The following FLVCR1 variants were observed in gnomAD, a reference collection of about 807,000 sequenced individuals.
The protein encoded by FLVCR1 is choline/ethanolamine transporter FLVCR1.
A neutral mutation model predicts 53.6 loss-of-function variants in FLVCR1; 34 were observed. The observed-to-expected ratio is 0.63, with a 90% CI of 0.48 to 0.84. The LOEUF (loss-of-function observed/expected upper bound fraction) is 0.84. Ranked by LOEUF, FLVCR1 falls within the 40% of genes least tolerant of loss-of-function variation. The pLI, the probability that FLVCR1 is intolerant of heterozygous loss-of-function variation, is 0.00. For synonymous variants in FLVCR1, 300 were observed against 286.3 expected (o/e 1.05, Z -0.48); for missense variants, 677 against 696.7 (o/e 0.97, Z 0.32).
chr1:212,860,350 G>GTTTTTTTTTTTTTTTGTTTTTTT (rs71147041), intron 1 of FLVCR1, among the ~76,000 whole-genome samples: 1 of 85,824 alleles, frequency 1.2e-5, no homozygotes, highest in Non-Finnish European at 2.4e-5. Context: ...TGTGTGTGTG[G>GTTTTTTTTTTTTTTTGTTTTTTT]TTTTTTTTTT....
At chr1:212,866,998 CA>C (rs1410736541) in intron 2 of FLVCR1, among the ~76,000 whole-genome samples, 1 of 152,176 alleles carries the variant, frequency 6.6e-6, no homozygotes, top group Non-Finnish European at 1.5e-5. Context: ...AAATCCATAC[CA>C]AATAAAGTTC....
At chr1:212,877,945 AG>A (rs1309464016) in intron 3 of FLVCR1, among the ~76,000 whole-genome samples, 1 of 152,220 alleles carries the variant, frequency 6.6e-6, no homozygotes, top group Non-Finnish European at 1.5e-5. Flanking sequence ...TATACGAAAC[AG>A]AAAAAAAGGT....
intron 8 of FLVCR1, among the ~76,000 whole-genome samples, chr1:212,892,270 G>A (rs1223165544): frequency 6.6e-6 from 1 of 152,224 alleles, no homozygotes; most frequent in African/African-American, 2.4e-5. Context: ...ATGCCATCTA[G>A]GACTGCCATA....
At position 212,888,020 on chromosome 1, in the gene FLVCR1, T is replaced by A. The variant is rs2291772; in HGVS notation, c.1307+19T>A. 296,925 of 1,318,474 alleles carry A rather than the reference T, an allele frequency of 0.23. 38,656 individuals are homozygous for A. The highest frequency in any genetic ancestry group is 0.51 in the Admixed American group (30,323 of 59,528). The allele number at this position is 1,318,474 out of a possible 1,614,324, so 81.7% of individuals were successfully genotyped here. A position where few individuals can be genotyped will look rare whatever the true frequency, so the allele number is the denominator to read the frequency against. On this transcript the variant is annotated intron_variant, in intron 6 of 9. Coordinates refer to ENST00000366971, the MANE Select transcript of FLVCR1 (RefSeq NM_014053.4). ...TGCTTGGGTAAGTATCAGATGTGTT[T>A]AGGAGGAATGATAGCATGCTGTTAT...
At chr1:212,875,311 T>G (rs997589491) in intron 3 of FLVCR1, among the ~76,000 whole-genome samples, 2 of 152,180 alleles carry the variant, frequency 1.3e-5, no homozygotes, top group Admixed American at 6.6e-5. Context: ...GTATGGCAAG[T>G]GCATGCTGAA....
At position 212,859,205 on chromosome 1, in the gene FLVCR1, G is replaced by A. The variant is rs1188189201; in HGVS notation, c.738+15G>A. Reference sequence around the variant, plus strand: ...TGGGCAATCAGGTAAGTACTGGAGTGGTAGGTGAAAGTCAGATCCTTAAAA... The same window carrying A: ...TGGGCAATCAGGTAAGTACTGGAGTAGTAGGTGAAAGTCAGATCCTTAAAA... On this transcript the variant is annotated intron_variant, in intron 1 of 9. Transcript: ENST00000366971. 1.2e-6 allele frequency: 2 copies of A among 1,613,832 alleles called. No homozygotes were observed. Among genetic ancestry groups the A allele is most frequent in the South Asian group, 1.1e-5 (1 of 91,058 alleles).
chr1:212,861,644 A>T (rs899003769), intron 1 of FLVCR1, among the ~76,000 whole-genome samples: 1 of 151,852 alleles, frequency 6.6e-6, no homozygotes, highest in African/African-American at 2.4e-5. Context: ...TATTCTTTCT[A>T]TCTAGCTTTT....
At chr1:212,871,851 C>T (rs917109230) in intron 2 of FLVCR1, among the ~76,000 whole-genome samples, 1 of 152,140 alleles carries the variant, frequency 6.6e-6, no homozygotes, top group Non-Finnish European at 1.5e-5. Context: ...AGCGCTAAAA[C>T]TTAGAGTGTC....
intron 3 of FLVCR1, among the ~76,000 whole-genome samples, chr1:212,875,487 G>A (rs1664726821): frequency 6.6e-6 from 1 of 152,106 alleles, no homozygotes; most frequent in Non-Finnish European, 1.5e-5. Flanking sequence ...GGTGTTAGAT[G>A]GTGCCTTCAG....
intron 3 of FLVCR1, among the ~76,000 whole-genome samples, chr1:212,879,220 A>G (rs1203207523): frequency 2.0e-5 from 3 of 152,202 alleles, no homozygotes; most frequent in Non-Finnish European, 4.4e-5. Context: ...AAGGAATTAT[A>G]AGGAGGAAGG....
Position 212,858,315 on chromosome 1 carries a change from G to C in FLVCR1, c.-138G>C, listed in dbSNP as rs913383179. ...CACGCGGTAGCGCGGATTGCGGTTC[G>C]CGGCGCGCGCCACCGGGGAAGGAGC... On this transcript the variant is annotated 5_prime_UTR_variant, in exon 1 of 10. Coordinates refer to ENST00000366971, the MANE Select transcript of FLVCR1 (RefSeq NM_014053.4). 2.2e-6 allele frequency: 2 copies of C among 892,616 alleles called. No individual in the cohort carries two copies. The highest frequency in any genetic ancestry group is 3.2e-6 in the Non-Finnish European group (2 of 620,914). The allele number at this position is 892,616 out of a possible 1,614,324, so 55.3% of individuals were successfully genotyped here. A position where few individuals can be genotyped will look rare whatever the true frequency, so the allele number is the denominator to read the frequency against.
In FLVCR1 at chr1:212,863,843, C is replaced by T. The variant is rs1400553414; in HGVS notation, c.857C>T (p.Thr286Ile). Residue 286 changes from threonine (T) to isoleucine (I), a missense_variant, in exon 2 of 10, where the codon ACA becomes ATA. Coordinates refer to ENST00000366971, the MANE Select transcript of FLVCR1 (RefSeq NM_014053.4). Reference protein sequence around the residue: ...TMFYGTSAVATLLFILTAIAF... With the variant: ...TMFYGTSAVAILLFILTAIAF... ...TTTTATGGAACATCAGCTGTTGCCA[C>T]ACTTTTATTTATTTTAACAGCAATT... The T allele has an allele frequency of 6.2e-7, 1 of 1,613,624 alleles. No homozygotes were observed.
chr1:212,891,236 G>A (rs569851354), intron 8 of FLVCR1, among the ~76,000 whole-genome samples: 10 of 151,992 alleles, frequency 6.6e-5, no homozygotes, highest in African/African-American at 1.9e-4. Flanking sequence ...TAGTGAAACC[G>A]TGTCTCTACT....
Position 212,895,561 on chromosome 1 carries a change from T to A in FLVCR1, c.*271T>A, listed in dbSNP as rs1299073153. On this transcript the variant is annotated 3_prime_UTR_variant, in exon 10 of 10. Transcript: ENST00000366971. ...TTTAGTCTCATATTGTATCTGAAAG[T>A]AAGCTTCTTGACGTTTACTTTTTAA... The A allele has an allele frequency of 2.2e-6, 1 of 447,226 alleles. No homozygotes were observed. The allele number at this position is 447,226 out of a possible 1,614,324, so 27.7% of individuals were successfully genotyped here. A position where few individuals can be genotyped will look rare whatever the true frequency, so the allele number is the denominator to read the frequency against.
chr1:212,868,571 G>C (rs998066438), intron 2 of FLVCR1, among the ~76,000 whole-genome samples: 1 of 151,948 alleles, frequency 6.6e-6, no homozygotes, highest in Non-Finnish European at 1.5e-5. Flanking sequence ...CACCACACCC[G>C]GCTAATTTTG....
intron 2 of FLVCR1, among the ~76,000 whole-genome samples, chr1:212,871,826 T>C (rs570003632): frequency 1.3e-5 from 2 of 152,322 alleles, no homozygotes; most frequent in African/African-American, 4.8e-5. Flanking sequence ...GTGAAATTTC[T>C]AACTAGAAAT....
intron 3 of FLVCR1, among the ~76,000 whole-genome samples, chr1:212,878,455 T>C (rs950187546): frequency 2.0e-5 from 3 of 150,238 alleles, no homozygotes; most frequent in Non-Finnish European, 4.4e-5. Context: ...TGAGAGGCAC[T>C]TGCAGTAAGT....
At chr1:212,888,675 T>TTTGTTGTTG (rs41300975) in intron 7 of FLVCR1, 81 bp downstream of exon 7, 6 of 877,856 alleles carry the variant, frequency 6.8e-6, no homozygotes, top group Non-Finnish European at 1.1e-5. Context: ...CATGGTTTTA[T>TTTGTTGTTG]TTGTTGTTGT....
chr1:212,883,304 C>A, intron 3 of FLVCR1, 67 bp from the exon 4 acceptor site: 1 of 877,220 alleles, frequency 1.1e-6, no homozygotes, highest in Non-Finnish European at 1.9e-6. Context: ...GTAAATGACA[C>A]ACTTTTAGTA....
Sources: allele counts gnomAD v4.1 joint callset (sites outside exome capture counted in the v4.1 genomes callset), GRCh38; gene constraint gnomAD v4.1.1; transcripts MANE v1.5; gene names NCBI Gene and HGNC (gene_info 2026-07-23, HGNC 2026-07-21).